The following ENTPD5 variants were observed in gnomAD, a reference collection of about 807,000 sequenced individuals.
The protein encoded by ENTPD5 is nucleoside diphosphate phosphatase ENTPD5.
A neutral mutation model predicts 60.2 loss-of-function variants in ENTPD5; 49 were observed. That is an observed-to-expected ratio of 0.81 (90% CI 0.65 to 1.03). ENTPD5 has a LOEUF of 1.03. Among genes scored for constraint, ENTPD5 ranks in the 50% least tolerant of loss-of-function variants. The pLI is 0.00. For synonymous variants in ENTPD5, 187 were observed against 185.4 expected (o/e 1.01, Z -0.07); for missense variants, 480 against 507.6 (o/e 0.95, Z 0.52).
chr14:73,980,422 C>A (rs905570978), intron 6 of ENTPD5, among the ~76,000 whole-genome samples: 4 of 151,368 alleles, frequency 2.6e-5, no homozygotes, highest in African/African-American at 9.7e-5. Context: ...AGCCACCATG[C>A]CCAGCTAATT....
chr14:73,960,745 A>AG, downstream of ENTPD5: 1 of 466,914 alleles, frequency 2.1e-6, no homozygotes. Flanking sequence ...GGAAGCATAC[A>AG]GGGGGGAAAC....
At chr14:73,973,838 T>G (rs376768501) in intron 12 of ENTPD5, 39 bp downstream of exon 12, 1 of 1,569,328 alleles carries the variant, frequency 6.4e-7, no homozygotes, top group Non-Finnish European at 8.8e-7. Context: ...GAGCTTCCAT[T>G]GTAAACGTAA....
At chr14:73,975,192 T>C (rs762135703) in intron 10 of ENTPD5, among the ~76,000 whole-genome samples, 1 of 152,114 alleles carries the variant, frequency 6.6e-6, no homozygotes, top group African/African-American at 2.4e-5. Flanking sequence ...TCCCCACAGT[T>C]ATCATTCAAA....
At chr14:73,960,654 T>C (rs1208896870), downstream of ENTPD5, 4 of 973,570 alleles carry the variant, frequency 4.1e-6, no homozygotes, top group East Asian at 3.0e-4. Context: ...CAGTCTCCGC[T>C]TTCAGGAAGT....
chr14:73,970,852 G>T (rs1795100047), intron 14 of ENTPD5, among the ~76,000 whole-genome samples: 1 of 151,380 alleles, frequency 6.6e-6, no homozygotes, highest in Non-Finnish European at 1.5e-5. Context: ...TAGAGACAAG[G>T]TCTCATGCTG....
chr14:73,999,942 G>A (rs2058455884), intron 3 of ENTPD5, among the ~76,000 whole-genome samples: 1 of 151,630 alleles, frequency 6.6e-6, no homozygotes, highest in African/African-American at 2.4e-5. Context: ...TTAAAAATTA[G>A]CCAGGCATGG....
At chr14:73,981,473 T>C (rs1444384530) in intron 6 of ENTPD5, among the ~76,000 whole-genome samples, 1 of 150,364 alleles carries the variant, frequency 6.7e-6, no homozygotes, top group African/African-American at 2.5e-5. Context: ...CACTCCAGTC[T>C]GGGTAACAGA....
intron 3 of ENTPD5, among the ~76,000 whole-genome samples, chr14:73,993,204 G>T (rs2058209798): frequency 6.6e-6 from 1 of 152,066 alleles, no homozygotes; most frequent in Non-Finnish European, 1.5e-5. Context: ...GGACGTGGTG[G>T]CATGCACCTG....
Position 73,964,620 on chromosome 14 carries a change from G to C in ENTPD5, c.*2308C>G, listed in dbSNP as rs976007924. 2 of 152,206 alleles carry C rather than the reference G, an allele frequency of 1.3e-5. No homozygotes were observed. Among genetic ancestry groups the C allele is most frequent in the African/African-American group, 4.8e-5 (2 of 41,458 alleles). The allele number at this position is 152,206 out of a possible 1,614,324, so 9.4% of individuals were successfully genotyped here. On this transcript the variant is annotated 3_prime_UTR_variant, in exon 16 of 16. Coordinates refer to ENST00000334696, the MANE Select transcript of ENTPD5 (RefSeq NM_001249.5). ...GCTGGAACAGTCTTTAGTGAACACA[G>C]CTTACCTCTTTTAAAACTGCTGGTT...
chr14:73,980,542 G>A (rs1391549482), intron 6 of ENTPD5, among the ~76,000 whole-genome samples: 1 of 152,146 alleles, frequency 6.6e-6, no homozygotes, highest in Non-Finnish European at 1.5e-5. Context: ...GGGATTTTGG[G>A]CATGAGCTAC....
intron 3 of ENTPD5, among the ~76,000 whole-genome samples, chr14:73,989,832 CAAAA>C (rs57558687): frequency 5.7e-5 from 3 of 52,362 alleles, no homozygotes; most frequent in Admixed American, 2.5e-4. Context: ...GACTCAGTCT[CAAAA>C]AAAAAAAAAA....
downstream of ENTPD5, chr14:73,959,969 C>T (rs2072291): frequency 0.67 from 721,034 of 1,071,870 alleles, 243,226 homozygotes; most frequent in South Asian, 0.74. Flanking sequence ...GAGGAGTGTA[C>T]ACACGGAAAT....
At chr14:73,961,742 G>A (rs8500), downstream of ENTPD5, 747,145 of 1,613,496 alleles carry the variant, frequency 0.46, 177,834 homozygotes, top group South Asian at 0.5. Flanking sequence ...TTCAGGTTCC[G>A]TGAGCCACCT....
intron 15 of ENTPD5, among the ~76,000 whole-genome samples, chr14:73,967,226 A>C (rs2057014708): frequency 6.6e-6 from 1 of 152,202 alleles, no homozygotes; most frequent in Non-Finnish European, 1.5e-5. Flanking sequence ...CACCATTCTC[A>C]TATCTGAACT....
chr14:73,966,776 G>C lies in ENTPD5; in HGVS notation c.*152C>G. The C allele has an allele frequency of 3.3e-6, 2 of 610,100 alleles. No homozygotes were observed. The highest frequency in any genetic ancestry group is 5.9e-5 in the Admixed American group (2 of 33,916). The allele number at this position is 610,100 out of a possible 1,614,324, so 37.8% of individuals were successfully genotyped here. A position where few individuals can be genotyped will look rare whatever the true frequency, so the allele number is the denominator to read the frequency against. Reference sequence around the variant, plus strand: ...CCAGCTGTGTACTCTTGAGTGGTTAGGCAGCAGTTCACATTAGATGTGTAA... The same window carrying C: ...CCAGCTGTGTACTCTTGAGTGGTTACGCAGCAGTTCACATTAGATGTGTAA... On this transcript the variant is annotated 3_prime_UTR_variant, in exon 16 of 16. Transcript: ENST00000334696.
At chr14:73,958,466 C>G, downstream of ENTPD5, 3 of 1,449,498 alleles carry the variant, frequency 2.1e-6, no homozygotes, top group Non-Finnish European at 2.7e-6. Flanking sequence ...AGGGAGCAAT[C>G]TCATGGGCCG....
downstream of ENTPD5, chr14:73,958,234 A>C (rs1348257527): frequency 6.2e-7 from 1 of 1,613,952 alleles, no homozygotes; most frequent in Non-Finnish European, 8.5e-7. Flanking sequence ...CCTTGGGTTC[A>C]TATTACCCTA....
intron 3 of ENTPD5, among the ~76,000 whole-genome samples, chr14:73,998,306 T>G (rs771036011): frequency 6.6e-5 from 10 of 152,084 alleles, no homozygotes; most frequent in Non-Finnish European, 1.3e-4. Context: ...TACCTCTCCC[T>G]CCCTGCTCTT....
At chr14:74,012,286 TAG>T (rs201986913) in intron 2 of ENTPD5, among the ~76,000 whole-genome samples, 72 of 136,860 alleles carry the variant, frequency 5.3e-4, no homozygotes, top group African/African-American at 1.8e-3. Flanking sequence ...TTATTTTTAG[TAG>T]AGAGGGGGGG....
Sources: gnomAD v4.1 joint callset for allele counts (sites outside exome capture counted in the v4.1 genomes callset) on GRCh38, gnomAD v4.1.1 for gene constraint, MANE v1.5 for transcripts, NCBI Gene and HGNC (gene_info 2026-07-23, HGNC 2026-07-21) for gene names.